Variants in SOD2 observed in about 807,000 individuals in gnomAD.
The protein encoded by SOD2 is superoxide dismutase 2.
A neutral mutation model predicts 27.0 loss-of-function variants in SOD2; 11 were observed. The ratio of observed to expected loss-of-function variants is 0.41; its 90% CI spans 0.26 to 0.67. SOD2 has a LOEUF of 0.67. Among genes scored for constraint, SOD2 ranks in the 30% least tolerant of loss-of-function variants. The pLI, the probability that SOD2 is intolerant of heterozygous loss-of-function variation, is 0.34. For synonymous variants in SOD2, 105 were observed against 103.0 expected (o/e 1.02, Z -0.12); for missense variants, 250 against 274.5 (o/e 0.91, Z 0.63).
chr6:159,693,810 C>G (rs1310235854), upstream of SOD2, among the ~76,000 whole-genome samples: 3 of 152,230 alleles, frequency 2.0e-5, no homozygotes, highest in African/African-American at 7.2e-5. Context: ...CCTTCCAACC[C>G]GTATTCAGTA....
intron 1 of SOD2, chr6:159,726,815 G>C (rs974055786): frequency 5.2e-5 from 67 of 1,289,106 alleles, no homozygotes; most frequent in Non-Finnish European, 6.4e-5. Context: ...CGACTGATGA[G>C]AGGGAAGGCA....
intron 1 of SOD2, 93 bp downstream of exon 1, chr6:159,693,052 C>T: frequency 6.7e-7 from 1 of 1,494,150 alleles, no homozygotes; most frequent in Admixed American, 2.2e-5. Context: ...CCCGCCAGGC[C>T]CGGTGCGGCC....
chr6:159,720,214 T>C (rs1394330875), intron 1 of SOD2, among the ~76,000 whole-genome samples: 3 of 151,708 alleles, frequency 2.0e-5, no homozygotes, highest in East Asian at 3.9e-4. Flanking sequence ...TGTGTATATA[T>C]AAATATATAT....
At chr6:159,718,602 T>A (rs1222109265) in intron 1 of SOD2, among the ~76,000 whole-genome samples, 2 of 152,192 alleles carry the variant, frequency 1.3e-5, no homozygotes, top group African/African-American at 4.8e-5. Flanking sequence ...TCTGAAAGAT[T>A]AGATATATTG....
chr6:159,690,682 G>A (rs963765809), intron 2 of SOD2, among the ~76,000 whole-genome samples: 14 of 151,956 alleles, frequency 9.2e-5, no homozygotes, highest in Non-Finnish European at 2.1e-4. Context: ...AAAAATAGAT[G>A]TAACTTTTCT....
chr6:159,688,547 A>G (rs533642246), intron 2 of SOD2, among the ~76,000 whole-genome samples: 20 of 152,358 alleles, frequency 1.3e-4, no homozygotes, highest in Non-Finnish European at 1.6e-4. Context: ...TCAAAATAAT[A>G]GAATGCTAAA....
chr6:159,751,553 G>A (rs1355446777), intron 1 of SOD2, among the ~76,000 whole-genome samples: 1 of 152,220 alleles, frequency 6.6e-6, no homozygotes, highest in Non-Finnish European at 1.5e-5. Flanking sequence ...GCCTGAGAGT[G>A]CTGATGGGAA....
At chr6:159,741,679 A>G (rs1291957770) in intron 1 of SOD2, 8 of 164,316 alleles carry the variant, frequency 4.9e-5, no homozygotes, top group East Asian at 1.9e-4. Flanking sequence ...ATGAGGGACT[A>G]TTTTATGATC....
chr6:159,731,149 GA>G (rs1242790123), upstream of SOD2, among the ~76,000 whole-genome samples: 1 of 149,628 alleles, frequency 6.7e-6, no homozygotes, highest in South Asian at 2.1e-4. Context: ...TCAAAAAAAA[GA>G]AAAAAAGAAA....
chr6:159,703,928 T>C (rs934519255), intron 1 of SOD2, among the ~76,000 whole-genome samples: 4 of 152,220 alleles, frequency 2.6e-5, no homozygotes, highest in African/African-American at 9.6e-5. Context: ...AAAATAATCT[T>C]CCACTGTTAC....
upstream of SOD2, among the ~76,000 whole-genome samples, chr6:159,730,130 AATTT>A (rs151035098): frequency 6.6e-6 from 1 of 152,290 alleles, no homozygotes; most frequent in East Asian, 1.9e-4. Context: ...CCTTACCCCC[AATTT>A]ATTAATTAAT....
chr6:159,747,520 GAGTTTTGCTTTTATAA>G (rs1337466787), upstream of SOD2, among the ~76,000 whole-genome samples: 1 of 152,142 alleles, frequency 6.6e-6, no homozygotes, highest in Non-Finnish European at 1.5e-5. Context: ...AGGTCCTATA[GAGTTTTGCTTTTATAA>G]AGCTGTAACA....
intron 1 of SOD2, among the ~76,000 whole-genome samples, chr6:159,740,797 G>A (rs919548295): frequency 1.9e-4 from 29 of 150,812 alleles, no homozygotes; most frequent in African/African-American, 5.6e-4. Context: ...GCCGCCTCCC[G>A]GTCAAGCGGT....
intron 1 of SOD2, among the ~76,000 whole-genome samples, chr6:159,708,193 C>T (rs1777663424): frequency 6.6e-6 from 1 of 152,202 alleles, no homozygotes; most frequent in Non-Finnish European, 1.5e-5. Context: ...GAAGCATTCC[C>T]TTTGAAAACT....
chr6:159,761,989 G>T, exon 1 of SOD2: 1 of 1,368,894 alleles, frequency 7.3e-7, no homozygotes. Flanking sequence ...GAGGGGCGGG[G>T]CTACCTCAGG....
chr6:159,728,412 A>T (rs1173925195), upstream of SOD2, among the ~76,000 whole-genome samples: 2 of 138,504 alleles, frequency 1.4e-5, no homozygotes, highest in Admixed American at 7.0e-5. Context: ...GTGATTATGT[A>T]AAAAAAACAA....
chr6:159,744,765 G>A (rs953902108), intron 1 of SOD2, among the ~76,000 whole-genome samples: 28 of 152,168 alleles, frequency 1.8e-4, no homozygotes, highest in Admixed American at 1.6e-3. Context: ...TCTCATCCAG[G>A]CTGGAGTGCA....
chr6:159,742,278 T>C, intron 1 of SOD2: 1 of 665,214 alleles, frequency 1.5e-6, no homozygotes. Context: ...ACATAGGCAC[T>C]GTGTTGGGTG....
upstream of SOD2, among the ~76,000 whole-genome samples, chr6:159,731,242 C>G (rs1384833000): frequency 6.6e-6 from 1 of 151,762 alleles, no homozygotes; most frequent in Admixed American, 6.6e-5. Flanking sequence ...CAGGAGGATT[C>G]CTGAGCCCAG....
Sources: allele counts gnomAD v4.1 joint callset (sites outside exome capture counted in the v4.1 genomes callset), GRCh38; gene constraint gnomAD v4.1.1; transcripts MANE v1.5; gene names NCBI Gene and HGNC (gene_info 2026-07-23, HGNC 2026-07-21).